DPP9: variants seen among roughly 807,000 people sequenced by gnomAD.
The protein encoded by DPP9 is dipeptidyl peptidase 9, also known as dipeptidyl peptidase IV-related protein-2.
A neutral mutation model predicts 110.7 loss-of-function variants in DPP9; 50 were observed. The observed-to-expected ratio is 0.45, with a 90% CI of 0.36 to 0.57. DPP9 has a LOEUF of 0.57. DPP9 is among the 20% of genes least tolerant of loss of function. The pLI, the probability that DPP9 is intolerant of heterozygous loss-of-function variation, is 0.00. For synonymous variants in DPP9, 561 were observed against 514.4 expected (o/e 1.09, Z -1.23); for missense variants, 1,022 against 1,217.9 (o/e 0.84, Z 2.39).
In DPP9 at chr19:4,704,362, G is replaced by T. The variant is rs2092466059; in HGVS notation, c.427-58C>A. The T allele has an allele frequency of 1.3e-6, 2 of 1,565,146 alleles. No homozygotes were observed. Among genetic ancestry groups the T allele is most frequent in the East Asian group, 4.5e-5 (2 of 44,306 alleles). ...AGTGGGCAAAGAGGATCTCCCGCTGGCCAGGGCAGAGATCCTCGGGCTGGG... is the reference window on the plus strand; with the variant it reads ...AGTGGGCAAAGAGGATCTCCCGCTGTCCAGGGCAGAGATCCTCGGGCTGGG... On this transcript the variant is annotated intron_variant, in intron 5 of 21. Transcript: ENST00000262960. The surrounding 1 kb of genome is among the most constrained non-coding windows in gnomAD (Gnocchi z 6.0).
At position 4,694,873 on chromosome 19, in the gene DPP9, C is replaced by G. The variant is rs950669464; in HGVS notation, c.1354-50G>C. ...GCGTCAGAAGGTGTGGGTGGCCGGG[C>G]ATGGTGGCTCACACCAGTAATCCCA... On this transcript the variant is annotated intron_variant, in intron 12 of 21. Transcript: ENST00000262960. The surrounding 1 kb of genome is among the most constrained non-coding windows in gnomAD (Gnocchi z 4.0). 2 of 1,586,416 alleles carry G rather than the reference C, an allele frequency of 1.3e-6. No individual in the cohort carries two copies. Among genetic ancestry groups the G allele is most frequent in the East Asian group, 4.5e-5 (2 of 44,518 alleles).
In DPP9 at chr19:4,689,667, G is replaced by T; in HGVS notation, c.1652C>A (p.Pro551Gln). 1 of 1,562,154 alleles carries T rather than the reference G, an allele frequency of 6.4e-7. No homozygotes were observed. ...LVYFQGTKDT[P>Q]LEHHLYVVSY... The stretch of plus-strand genomic sequence containing the variant: ...GACCACGTAGAGGTGGTGCTCCAGC[G>T]GCGTGTCCTTGGTGCCCTGGAAGTA... Residue 551 changes from proline (P) to glutamine (Q), a missense_variant, in exon 15 of 22, where the codon CCG (proline) becomes CAG (glutamine). Transcript: ENST00000262960. The surrounding 1 kb of genome is among the most constrained non-coding windows in gnomAD (Gnocchi z 7.0).
chr19:4,681,908 G>A (rs944110715), intron 20 of DPP9, among the ~76,000 whole-genome samples: 15 of 145,704 alleles, frequency 1.0e-4, no homozygotes, highest in Non-Finnish European at 2.1e-4. Context: ...GTGCAGTGGC[G>A]CACGATCTCG....
Position 4,714,240 on chromosome 19 carries a change from G to A in DPP9, c.154C>T (p.Arg52Cys), listed in dbSNP as rs199966895. The stretch of plus-strand genomic sequence containing the variant: ...CACGAGTGCTTCTGCACCTGGAAGC[G>A]GGCGGCCGGGTCATCTGTGGCGGCT... ...DAAATDDPAA[R>C]FQVQKHSWDG... Residue 52 changes from arginine to cysteine, a missense_variant, in exon 4 of 22, where the codon CGC becomes TGC. Physicochemically the swap from Arg to Cys is radical, Grantham distance 180 (BLOSUM62 -3). This residue lies in a region of DPP9 where 810 missense variants were observed against 920.6 expected (regional missense o/e 0.88). Transcript: ENST00000262960. 177 of 1,592,004 alleles carry A rather than the reference G, an allele frequency of 1.1e-4. No homozygotes were observed. The East Asian group carries it at 1.2e-3, about 11-fold the overall frequency.
At position 4,690,917 on chromosome 19, in the gene DPP9, G is replaced by A. The variant is rs905596047; in HGVS notation, c.1557C>T (p.Thr519=). The A allele has an allele frequency of 1.9e-6, 3 of 1,613,232 alleles. No homozygotes were observed. The East Asian group carries it at 6.7e-5, about 36-fold the overall frequency. ...TCGCCAAAACCTCCCATTCACCGCT[G>A]GTCAGAGCAATCTCTTCCTTAATGG... The part of the protein sequence containing the change: ...KCPIKEEIAL[T]SGEWEVLARH... The change falls in exon 14 of 22, where the codon ACC becomes ACT. Residue 519 remains threonine (T), a synonymous_variant. Coordinates refer to ENST00000262960, the MANE Select transcript of DPP9 (RefSeq NM_139159.5).
intron 4 of DPP9, among the ~76,000 whole-genome samples, chr19:4,711,925 C>A (rs1419637812): frequency 6.6e-6 from 1 of 152,058 alleles, no homozygotes; most frequent in African/African-American, 2.4e-5. Context: ...CCAGAAGCTG[C>A]AAGAGGCCAG....
At position 4,685,815 on chromosome 19, in the gene DPP9, A is replaced by G. The variant is rs774214163; in HGVS notation, c.1886-44T>C. ...CTATCTGGCTGCCCGGGGAAGCCAC[A>G]TCCAGCTGACACCCTTGTTCTCCTG... On this transcript the variant is annotated intron_variant, in intron 16 of 21. Coordinates refer to ENST00000262960, the MANE Select transcript of DPP9 (RefSeq NM_139159.5). The surrounding 1 kb of genome is among the most constrained non-coding windows in gnomAD (Gnocchi z 5.8). The G allele has an allele frequency of 2.9e-5, 47 of 1,601,126 alleles. No individual in the cohort carries two copies. In the South Asian group the frequency reaches 5.3e-4, roughly 18 times the overall value.
At position 4,699,971 on chromosome 19, in the gene DPP9, G is replaced by A. The variant is rs908903529; in HGVS notation, c.1074+245C>T. 1.6e-4 allele frequency among the ~76,000 whole-genome samples: 24 copies of A among 152,310 alleles called. 1 individual carries two copies. Among genetic ancestry groups the A allele is most frequent in the African/African-American group, 5.5e-4 (23 of 41,564 alleles). Reference sequence around the variant, plus strand: ...CTGCCCGGTGCTTGTTCCTTACCGCGGCGTGGCCTCCAGTCTCAGGACCCA... The same window carrying A: ...CTGCCCGGTGCTTGTTCCTTACCGCAGCGTGGCCTCCAGTCTCAGGACCCA... On this transcript the variant is annotated intron_variant, in intron 10 of 21. Coordinates refer to ENST00000262960, the MANE Select transcript of DPP9 (RefSeq NM_139159.5).
chr19:4,685,349 A>G lies in DPP9; in HGVS notation c.2031+277T>C. 1 of 611,560 alleles carries G rather than the reference A, an allele frequency of 1.6e-6. No individual in the cohort carries two copies. The highest frequency in any genetic ancestry group is 1.5e-5 in the South Asian group (1 of 65,962). The allele number at this position is 611,560 out of a possible 1,614,324, so 37.9% of individuals were successfully genotyped here. On this transcript the variant is annotated intron_variant, in intron 17 of 21. Coordinates refer to ENST00000262960, the MANE Select transcript of DPP9 (RefSeq NM_139159.5). The surrounding 1 kb of genome is among the most constrained non-coding windows in gnomAD (Gnocchi z 5.8). ...CCACCTCCATACCAACCTGGAGACT[A>G]GGGGACTTCCTAGAGGAACAAGGGA...
chr19:4,683,070 C>T (rs937737352), intron 19 of DPP9: 34 of 1,490,618 alleles, frequency 2.3e-5, no homozygotes, highest in Non-Finnish European at 3.0e-5. Context: ...TCCCCGCCGC[C>T]GCAGAGGGCC....
At chr19:4,714,674 G>A (rs765675837) in intron 3 of DPP9, among the ~76,000 whole-genome samples, 6 of 151,912 alleles carry the variant, frequency 3.9e-5, no homozygotes, top group Non-Finnish European at 7.4e-5. Context: ...CTGCAGGTGT[G>A]AGCCACCATG....
At chr19:4,702,281 G>A (rs908228840) in intron 8 of DPP9, 126 bp from the exon 9 acceptor site, 12 of 1,292,684 alleles carry the variant, frequency 9.3e-6, no homozygotes, top group East Asian at 2.5e-5. Context: ...CCAGAACCCC[G>A]GCTCTGCCAT....
At position 4,694,042 on chromosome 19, in the gene DPP9, G is replaced by A. The variant is rs1056638067; in HGVS notation, c.1516+619C>T. Among the ~76,000 whole-genome samples the A allele has an allele frequency of 6.0e-5, 9 of 151,086 alleles. No homozygotes were observed. The highest frequency in any genetic ancestry group is 1.7e-4 in the African/African-American group (7 of 41,340). ...AAGGCCCCTCACCCTCAAGCCTCTC[G>A]CCCGACTGCATTTCCTTCCACCACG... On this transcript the variant is annotated intron_variant, in intron 13 of 21. Coordinates refer to ENST00000262960, the MANE Select transcript of DPP9 (RefSeq NM_139159.5). This position sits in a 1 kb window ranked among gnomAD's most constrained non-coding sequence, Gnocchi z 4.0.
chr19:4,685,741 A>T lies in DPP9; in HGVS notation c.1916T>A (p.Ile639Asn). 1.2e-6 allele frequency: 2 copies of T among 1,613,340 alleles called. No homozygotes were observed. Among genetic ancestry groups the T allele is most frequent in the Non-Finnish European group, 1.7e-6 (2 of 1,179,794 alleles). The change falls in exon 17 of 22, where the codon ATC (isoleucine) becomes AAC (asparagine). Residue 639 changes from isoleucine (I) to asparagine (N), a missense_variant. Physicochemically the swap from Ile to Asn is moderately radical, Grantham distance 149. Around this residue, in one of 3 missense-constraint regions of DPP9, gnomAD observed 810 missense variants for 920.6 expected, o/e 0.88. Transcript: ENST00000262960. This position sits in a 1 kb window ranked among gnomAD's most constrained non-coding sequence, Gnocchi z 5.8. The stretch of plus-strand genomic sequence containing the variant: ...ATCCGAGCGCGTGTGGAAATGGAAG[A>T]TCTCTGGAGGAACATAATCCGGGGG... ...SCPPDYVPPEIFHFHTRSDVR... is the reference protein window; with the variant it reads ...SCPPDYVPPENFHFHTRSDVR...
chr19:4,684,504 T>G lies in DPP9; in HGVS notation c.2178+159A>C. ...TGAGCAGCAAAGCATACATCCCCTT[T>G]TGTTCTAAAAGGGCGCCTCATTGAG... is the stretch of plus-strand genomic sequence containing the variant. On this transcript the variant is annotated intron_variant, in intron 18 of 21. Coordinates refer to ENST00000262960, the MANE Select transcript of DPP9 (RefSeq NM_139159.5). The surrounding 1 kb of genome is among the most constrained non-coding windows in gnomAD (Gnocchi z 4.8). 2.6e-6 allele frequency: 2 copies of G among 761,456 alleles called. No homozygotes were observed. The highest frequency in any genetic ancestry group is 4.2e-6 in the Non-Finnish European group (2 of 480,072). The allele number at this position is 761,456 out of a possible 1,614,324, so 47.2% of individuals were successfully genotyped here.
chr19:4,716,897 G>A lies in DPP9; in HGVS notation c.57-2560C>T, dbSNP rs866344816. ...GAAAAGTCACAGAGTGCAGCCCAGA[G>A]AACTGCCCGTGCCGTGCTCTGCGAG... On this transcript the variant is annotated intron_variant, in intron 3 of 21. Coordinates refer to ENST00000262960, the MANE Select transcript of DPP9 (RefSeq NM_139159.5). Among the ~76,000 whole-genome samples the A allele has an allele frequency of 4.6e-5, 7 of 152,310 alleles. No individual in the cohort carries two copies. In the Middle Eastern group the frequency reaches 0.01, roughly 222 times the overall value.
chr19:4,693,734 G>C lies in DPP9; in HGVS notation c.1516+927C>G, dbSNP rs939060694. Reference sequence around the variant, plus strand: ...CATCTGAAACTGAGGTGAGGGTGACGACTTCCTATTTCTCTCGGGGTCAAA... The same window carrying C: ...CATCTGAAACTGAGGTGAGGGTGACCACTTCCTATTTCTCTCGGGGTCAAA... On this transcript the variant is annotated intron_variant, in intron 13 of 21. Coordinates refer to ENST00000262960, the MANE Select transcript of DPP9 (RefSeq NM_139159.5). This position sits in a 1 kb window ranked among gnomAD's most constrained non-coding sequence, Gnocchi z 5.0. Among the ~76,000 whole-genome samples the C allele has an allele frequency of 1.3e-5, 2 of 152,038 alleles. No individual in the cohort carries two copies. Among genetic ancestry groups the C allele is most frequent in the Non-Finnish European group, 2.9e-5 (2 of 67,968 alleles).
At chr19:4,686,238 G>A (rs966444377) in intron 16 of DPP9, among the ~76,000 whole-genome samples, 4 of 151,856 alleles carry the variant, frequency 2.6e-5, no homozygotes, top group South Asian at 2.1e-4. Flanking sequence ...ATAGGTGCAC[G>A]GCACCACGCC....
intron 2 of DPP9, 82 bp from the exon 3 acceptor site, chr19:4,720,023 C>CCTT: frequency 8.4e-7 from 1 of 1,194,478 alleles, no homozygotes; most frequent in Non-Finnish European, 1.2e-6. Context: ...TTCGCCCCCT[C>CCTT]CTCATTGCTC....
Sources: allele counts gnomAD v4.1 joint callset (sites outside exome capture counted in the v4.1 genomes callset), GRCh38; gene constraint gnomAD v4.1.1; regional missense constraint gnomAD v4.1.1; non-coding constraint Gnocchi (gnomAD v3.1); transcripts MANE v1.5; gene names NCBI Gene and HGNC (gene_info 2026-07-23, HGNC 2026-07-21).